The following H2BC12 variants were observed in gnomAD, a reference collection of about 807,000 sequenced individuals.
H2BC12 encodes the protein histone H2B type 1-K.
A neutral mutation model predicts 6.3 loss-of-function variants in H2BC12; 6 were observed. The ratio of observed to expected loss-of-function variants is 0.95; its 90% CI spans 0.52 to 1.87. H2BC12 has a LOEUF of 1.87. Among genes scored for constraint, H2BC12 ranks in the 40% most tolerant of loss-of-function variants. The pLI is 0.01. For synonymous variants in H2BC12, 132 were observed against 78.5 expected, an observed-to-expected ratio of 1.68 and a Z score of -3.60; for missense variants, 119 against 178.4, an observed-to-expected ratio of 0.67 and a Z score of 1.90.
the H2BC12 span, among the ~76,000 whole-genome samples, chr6:27,140,450 C>T: frequency 6.6e-6 from 1 of 152,106 alleles, no homozygotes; most frequent in Admixed American, 6.5e-5. Flanking sequence ...ATGTGCAGTT[C>T]TAGGTTATTT....
downstream of H2BC12, among the ~76,000 whole-genome samples, chr6:27,145,115 C>A (rs1007348441): frequency 2.0e-5 from 3 of 152,142 alleles, no homozygotes; most frequent in Non-Finnish European, 4.4e-5. Context: ...TTTGTTGATA[C>A]ATTTCTTAGA....
the H2BC12 span, among the ~76,000 whole-genome samples, chr6:27,138,314 T>G: frequency 1.4e-4 from 21 of 152,280 alleles, no homozygotes; most frequent in Admixed American, 5.9e-4. Flanking sequence ...GCATACAAAT[T>G]TATTAAGGTA....
downstream of H2BC12, among the ~76,000 whole-genome samples, chr6:27,141,816 A>C (rs79265769): frequency 6.5e-3 from 985 of 152,294 alleles, 12 homozygotes; most frequent in African/African-American, 0.02. Context: ...GAAAAACCGT[A>C]GTAGGTGGTG....
downstream of H2BC12, among the ~76,000 whole-genome samples, chr6:27,144,646 G>A (rs576192051): frequency 8.1e-5 from 12 of 148,890 alleles, no homozygotes; most frequent in African/African-American, 3.0e-4. Context: ...AAAGTAAATT[G>A]TATAAAATCA....
chr6:27,144,422 G>A (rs112505155), downstream of H2BC12, among the ~76,000 whole-genome samples: 2,521 of 135,938 alleles, frequency 0.019, 88 homozygotes, highest in African/African-American at 0.061. Context: ...AGATCTCGCC[G>A]TTGCACTCCA....
downstream of H2BC12, among the ~76,000 whole-genome samples, chr6:27,146,173 A>T (rs891202928): frequency 6.6e-6 from 1 of 152,104 alleles, no homozygotes; most frequent in East Asian, 1.9e-4. Flanking sequence ...GCACATCCCT[A>T]ATTTTTTAGG....
chr6:27,144,934 C>T (rs139294464), downstream of H2BC12, among the ~76,000 whole-genome samples: 116 of 152,200 alleles, frequency 7.6e-4, no homozygotes, highest in African/African-American at 2.7e-3. Flanking sequence ...GCTGGGACTA[C>T]GGGCACATGC....
chr6:27,144,703 TAAC>T (rs1320867351), downstream of H2BC12, among the ~76,000 whole-genome samples: 15 of 152,146 alleles, frequency 9.9e-5, no homozygotes, highest in Non-Finnish European at 2.2e-4. Context: ...CTAAAGGTAA[TAAC>T]AGCAGATAGC....
downstream of H2BC12, among the ~76,000 whole-genome samples, chr6:27,145,188 T>C (rs1562027707): frequency 1.3e-5 from 2 of 152,174 alleles, no homozygotes. Flanking sequence ...AGTGAACATA[T>C]GCTTTGCATG....
At chr6:27,144,098 G>T (rs1468540761), downstream of H2BC12, among the ~76,000 whole-genome samples, 1 of 152,124 alleles carries the variant, frequency 6.6e-6, no homozygotes, top group East Asian at 1.9e-4. Flanking sequence ...AGCAAAGTAA[G>T]CTTTGCATCC....
At chr6:27,139,265 C>T in the H2BC12 span, 1 of 1,537,862 alleles carries the variant, frequency 6.5e-7, no homozygotes, top group Non-Finnish European at 8.8e-7. Context: ...TAAAAGAAAG[C>T]TGCCATCACA....
downstream of H2BC12, among the ~76,000 whole-genome samples, chr6:27,141,441 GTCTT>G (rs138554874): frequency 0.014 from 2,189 of 152,160 alleles, 26 homozygotes; most frequent in Non-Finnish European, 0.02. Flanking sequence ...ACCCAAACTT[GTCTT>G]TCTTTAATTT....
the H2BC12 span, among the ~76,000 whole-genome samples, chr6:27,140,545 CTG>C: frequency 6.6e-6 from 1 of 152,002 alleles, no homozygotes; most frequent in African/African-American, 2.4e-5. Context: ...CAAAACAGCA[CTG>C]TATACAGCTG....
upstream of H2BC12, chr6:27,146,857 G>C (rs545853546): frequency 6.3e-7 from 1 of 1,588,232 alleles, no homozygotes; most frequent in East Asian, 2.2e-5. Context: ...GGAAGTAATG[G>C]GAGCAAGGTA....
chr6:27,139,734 G>C, the H2BC12 span: 1 of 1,416,544 alleles, frequency 7.1e-7, no homozygotes, highest in Non-Finnish European at 9.4e-7. Flanking sequence ...GCCATTGTCA[G>C]TGAGTTCTGT....
At chr6:27,139,286 C>A in the H2BC12 span, 83 of 1,580,146 alleles carry the variant, frequency 5.3e-5, no homozygotes, top group African/African-American at 1.0e-3. Context: ...GGCAGCAGAC[C>A]TTTGTTCTCT....
At chr6:27,138,921 G>C in the H2BC12 span, 1 of 165,464 alleles carries the variant, frequency 6.0e-6, no homozygotes, top group South Asian at 1.8e-4. Context: ...AGCATATGGA[G>C]TATATTTCCA....
At chr6:27,140,275 A>G in the H2BC12 span, among the ~76,000 whole-genome samples, 1 of 152,232 alleles carries the variant, frequency 6.6e-6, no homozygotes, top group Non-Finnish European at 1.5e-5. Context: ...TCAGTAGCAC[A>G]GCCCTCCCTT....
downstream of H2BC12, among the ~76,000 whole-genome samples, chr6:27,142,729 C>T (rs1300848044): frequency 1.5e-4 from 23 of 149,110 alleles, no homozygotes; most frequent in Admixed American, 1.4e-3. Context: ...CTCAGCCTCC[C>T]GGGTTCAAGC....
Sources: gnomAD v4.1 joint callset for allele counts (sites outside exome capture counted in the v4.1 genomes callset) on GRCh38, gnomAD v4.1.1 for gene constraint, MANE v1.5 for transcripts, NCBI Gene and HGNC (gene_info 2026-07-23, HGNC 2026-07-21) for gene names.